Variants in ABHD6 observed in about 807,000 individuals in gnomAD.
ABHD6 encodes monoacylglycerol lipase ABHD6.
A neutral mutation model predicts 38.8 loss-of-function variants in ABHD6; 33 were observed. The ratio of observed to expected loss-of-function variants is 0.85; its 90% confidence interval spans 0.64 to 1.14. ABHD6 has a LOEUF of 1.14. Among genes scored for constraint, ABHD6 ranks in the 50% most tolerant of loss-of-function variants. The pLI is 0.00. For missense variants in ABHD6, 380 were observed against 422.6 expected (o/e 0.90, Z 0.88); for synonymous variants, 147 against 161.6 (o/e 0.91, Z 0.69).
At chr3:58,241,794 A>C (rs2107410694) in intron 1 of ABHD6, among the ~76,000 whole-genome samples, 1 of 152,312 alleles carries the variant, frequency 6.6e-6, no homozygotes, top group Middle Eastern at 3.4e-3. Flanking sequence ...GAAGTCAGGC[A>C]AGATCCCAGC....
intron 3 of ABHD6, among the ~76,000 whole-genome samples, chr3:58,262,115 C>T (rs2107444035): frequency 6.6e-6 from 1 of 152,192 alleles, no homozygotes; most frequent in Admixed American, 6.5e-5. Context: ...TTGTATGATT[C>T]CACTTTTACC....
chr3:58,269,213 C>CAAGACCCATACAAGA lies in ABHD6; in HGVS notation c.277-108_277-107insAAGACCCATACAAGA, dbSNP rs2097443061. ...CACTGAGTGGCCAAGACCCATACAT[C>CAAGACCCATACAAGA]CCCAGGGATGGCTGTCTGGGTCACT... On this transcript the variant is annotated intron_variant, in intron 4 of 9. Coordinates refer to ENST00000478253, the MANE Select transcript of ABHD6 (RefSeq NM_001320126.2). The surrounding 1 kb of genome is among the most constrained non-coding windows in gnomAD (Gnocchi z 4.4). 18 of 731,592 alleles carry CAAGACCCATACAAGA rather than the reference C, an allele frequency of 2.5e-5. 2 individuals are homozygous for CAAGACCCATACAAGA. The South Asian group carries it at 2.8e-4, about 11-fold the overall frequency. The allele number at this position is 731,592 out of a possible 1,614,324, so 45.3% of individuals were successfully genotyped here.
At position 58,285,022 on chromosome 3, in the gene ABHD6, C is replaced by T; in HGVS notation, c.682-63C>T. Reference sequence around the variant, plus strand: ...CTCATTCCCATTCATTGTCCCAGAGCTGTGAGAGGCCTGAGGAAATGAATC... The same window carrying T: ...CTCATTCCCATTCATTGTCCCAGAGTTGTGAGAGGCCTGAGGAAATGAATC... On this transcript the variant is annotated intron_variant, in intron 7 of 9. Coordinates refer to ENST00000478253, the MANE Select transcript of ABHD6 (RefSeq NM_001320126.2). The surrounding 1 kb of genome is among the most constrained non-coding windows in gnomAD (Gnocchi z 4.9). The T allele has an allele frequency of 6.8e-7, 1 of 1,476,478 alleles. No homozygotes were observed. The highest frequency in any genetic ancestry group is 9.5e-7 in the Non-Finnish European group (1 of 1,054,740). The allele number at this position is 1,476,478 out of a possible 1,614,324, so 91.5% of individuals were successfully genotyped here.
rs149135893 is a variant in ABHD6, at chr3:58,263,974, G to GTT, written c.120-3208_120-3207dup. ...CCACTTCATCTGTGTATACTTAACA[G>GTT]TTTTTTTTAACAGAATTGGAATCAA... On this transcript the variant is annotated intron_variant, in intron 3 of 9. Coordinates refer to ENST00000478253, the MANE Select transcript of ABHD6 (RefSeq NM_001320126.2). This position sits in a 1 kb window ranked among gnomAD's most constrained non-coding sequence, Gnocchi z 4.9. Among the ~76,000 whole-genome samples, 46 of 151,718 alleles carry GTT rather than the reference G, an allele frequency of 3.0e-4. No individual in the cohort carries two copies. In the South Asian group the frequency reaches 3.5e-3, roughly 12 times the overall value.
Position 58,241,142 on chromosome 3 carries a change from G to A in ABHD6, c.-91+3226G>A, listed in dbSNP as rs150675222. On this transcript the variant is annotated intron_variant, in intron 1 of 9. Transcript: ENST00000478253. Reference sequence around the variant, plus strand: ...CTAAACGTCCTACGATGCACAGGACGGTGCCACAACAAAGAATTATATGGC... The same window carrying A: ...CTAAACGTCCTACGATGCACAGGACAGTGCCACAACAAAGAATTATATGGC... Among the ~76,000 whole-genome samples, 26 of 152,248 alleles carry A rather than the reference G, an allele frequency of 1.7e-4. No homozygotes were observed. In the East Asian group the frequency reaches 2.9e-3, roughly 17 times the overall value.
chr3:58,256,621 C>T lies in ABHD6; in HGVS notation c.35C>T (p.Ala12Val), dbSNP rs201561775. 9 of 1,613,958 alleles carry T rather than the reference C, an allele frequency of 5.6e-6. No homozygotes were observed. In the East Asian group the frequency reaches 6.7e-5, roughly 12 times the overall value. ...DLDVVNMFVI[A>V]GGTLAIPILA... ...GATGTGGTTAACATGTTTGTGATTG[C>T]GGGCGGCACGCTGGCCATCCCAATC... The change falls in exon 3 of 10, where the codon GCG becomes GTG. Residue 12 changes from alanine to valine, a missense_variant. Ala to Val is a moderately conservative substitution (Grantham distance 64). Coordinates refer to ENST00000478253, the MANE Select transcript of ABHD6 (RefSeq NM_001320126.2). The surrounding 1 kb of genome is among the most constrained non-coding windows in gnomAD (Gnocchi z 4.3).
intron 7 of ABHD6, among the ~76,000 whole-genome samples, chr3:58,279,227 T>C (rs1023305342): frequency 2.6e-5 from 4 of 152,214 alleles, no homozygotes; most frequent in Non-Finnish European, 5.9e-5. Context: ...TATTATTGTG[T>C]GGGAGTCTAA....
At chr3:58,282,080 T>C (rs2097453688) in intron 7 of ABHD6, among the ~76,000 whole-genome samples, 1 of 152,090 alleles carries the variant, frequency 6.6e-6, no homozygotes, top group Non-Finnish European at 1.5e-5. Context: ...TGAAAAACAG[T>C]GTACTTTTGA....
At chr3:58,255,422 G>A (rs2097432562) in intron 2 of ABHD6, among the ~76,000 whole-genome samples, 1 of 148,974 alleles carries the variant, frequency 6.7e-6, no homozygotes, top group African/African-American at 2.5e-5. Flanking sequence ...GTATCCATGT[G>A]TACATGTATA....
chr3:58,242,388 A>C (rs563023586), intron 1 of ABHD6, among the ~76,000 whole-genome samples: 1 of 152,298 alleles, frequency 6.6e-6, no homozygotes, highest in South Asian at 2.1e-4. Flanking sequence ...ATCCAAACTA[A>C]AACCTCTAAA....
intron 1 of ABHD6, among the ~76,000 whole-genome samples, chr3:58,247,097 A>C (rs2097426962): frequency 1.3e-5 from 2 of 148,696 alleles, no homozygotes; most frequent in African/African-American, 5.0e-5. Flanking sequence ...AGTGCAGTGC[A>C]CTGCAACCTC....
At chr3:58,258,420 A>T in intron 3 of ABHD6, 1 of 427,896 alleles carries the variant, frequency 2.3e-6, no homozygotes, top group Non-Finnish European at 4.8e-6. Flanking sequence ...AGCGTGAAAG[A>T]TGTAGCAGCC....
intron 2 of ABHD6, among the ~76,000 whole-genome samples, chr3:58,254,883 C>T (rs35280013): frequency 9.6e-4 from 120 of 125,114 alleles, no homozygotes; most frequent in Admixed American, 2.0e-3. Flanking sequence ...CACACACACA[C>T]ATATATATAT....
At chr3:58,253,226 CTATGATATA>C (rs1266173497) in intron 2 of ABHD6, among the ~76,000 whole-genome samples, 1 of 151,676 alleles carries the variant, frequency 6.6e-6, no homozygotes, top group Non-Finnish European at 1.5e-5. Flanking sequence ...GTGTCAGAGT[CTATGATATA>C]TATGGCTTTG....
chr3:58,254,490 C>T (rs12715528), intron 2 of ABHD6, among the ~76,000 whole-genome samples: 83,640 of 152,090 alleles, frequency 0.55, 25,691 homozygotes, highest in African/African-American at 0.84. Context: ...TGTGCTGACC[C>T]TTGTGCTTAG....
At chr3:58,274,287 G>A (rs1467770732) in intron 6 of ABHD6, among the ~76,000 whole-genome samples, 2 of 152,228 alleles carry the variant, frequency 1.3e-5, no homozygotes, top group Non-Finnish European at 2.9e-5. Context: ...TAGGCAAGTT[G>A]TCTTCTAGGC....
intron 7 of ABHD6, 129 bp downstream of exon 7, chr3:58,274,944 C>A: frequency 1.7e-6 from 2 of 1,177,504 alleles, no homozygotes; most frequent in South Asian, 1.5e-5. Flanking sequence ...ATATATTCAG[C>A]AAGTGTCTCT....
At position 58,252,238 on chromosome 3, in the gene ABHD6, T is replaced by TG. The variant is rs1386090250; in HGVS notation, c.-26+2296_-26+2297insG. Among the ~76,000 whole-genome samples the TG allele has an allele frequency of 4.2e-5, 6 of 142,602 alleles. No homozygotes were observed. The East Asian group carries it at 1.2e-3, about 28-fold the overall frequency. 93.6% of individuals were successfully genotyped at this position (142,602 alleles called of 152,430 possible). A position where few individuals can be genotyped will look rare whatever the true frequency, so the allele number is the denominator to read the frequency against. On this transcript the variant is annotated intron_variant, in intron 2 of 9. Transcript: ENST00000478253. ...TTTAAATTGACTGCTTGTTTTTTTTTTTTTTTTTTTTTTTGGAACAGTCTC... is the reference window on the plus strand; with the variant it reads ...TTTAAATTGACTGCTTGTTTTTTTTTGTTTTTTTTTTTTTTGGAACAGTCTC...
chr3:58,283,982 T>C (rs953715834), intron 7 of ABHD6, among the ~76,000 whole-genome samples: 3 of 152,214 alleles, frequency 2.0e-5, no homozygotes, highest in Non-Finnish European at 4.4e-5. Context: ...CAGCCATGGC[T>C]GGTTCTTCCC....
Sources: allele counts gnomAD v4.1 joint callset (sites outside exome capture counted in the v4.1 genomes callset), GRCh38; gene constraint gnomAD v4.1.1; non-coding constraint Gnocchi (gnomAD v3.1); transcripts MANE v1.5; gene names NCBI Gene and HGNC (gene_info 2026-07-23, HGNC 2026-07-21).